The following CORO2A variants were observed in gnomAD, a reference collection of about 807,000 sequenced individuals.
The protein encoded by CORO2A is coronin 2A, also known as coronin-2A.
CORO2A carries 47 observed loss-of-function variants against 62.4 expected under a neutral mutation model. That is an observed-to-expected ratio of 0.75 (90% CI 0.60 to 0.96). The LOEUF (loss-of-function observed/expected upper bound fraction) is 0.96, where lower values mean the gene tolerates loss of function less well. CORO2A is among the 40% of genes least tolerant of loss of function. The probability of loss-of-function intolerance (pLI) is 0.00; values close to 1 mark genes in which losing one functional copy is unlikely to be tolerated. For missense variants in CORO2A, 610 were observed against 684.1 expected (o/e 0.89, Z 1.21); for synonymous variants, 273 against 268.9 (o/e 1.02, Z -0.15).
chr9:98,129,847 G>C lies in CORO2A; in HGVS notation c.914C>G (p.Pro305Arg), dbSNP rs201065478. 1.1e-4 allele frequency: 176 copies of C among 1,614,032 alleles called. No homozygotes were observed. The highest frequency in any genetic ancestry group is 1.6e-4 in the Middle Eastern group (1 of 6,084). The change falls in exon 8 of 12, where the codon CCT becomes CGT. Residue 305 changes from proline (P) to arginine (R), a missense_variant. Physicochemically the swap from Pro to Arg is moderately radical, Grantham distance 103. Coordinates refer to ENST00000375077, the MANE Select transcript of CORO2A (RefSeq NM_052820.4). ...GTACTCAGTCAGGTAGCTCAGGTGA[G>C]GCTTGTCGGCGCTCACCTCGTAGTA... ...IRYYEVSADK[P>R]HLSYLTEYRS...
intron 1 of CORO2A, among the ~76,000 whole-genome samples, chr9:98,166,170 C>G (rs1337984973): frequency 6.6e-6 from 1 of 152,158 alleles, no homozygotes; most frequent in Non-Finnish European, 1.5e-5. Context: ...GAAAAAAACA[C>G]AGGACATCCT....
At chr9:98,153,655 C>CACACACAT (rs1827759033) in intron 2 of CORO2A, among the ~76,000 whole-genome samples, 2 of 133,824 alleles carry the variant, frequency 1.5e-5, no homozygotes, top group South Asian at 4.6e-4. Context: ...TCCAAACACA[C>CACACACAT]ACACACACAC....
intron 1 of CORO2A, among the ~76,000 whole-genome samples, chr9:98,176,623 C>G (rs546394039): frequency 6.6e-6 from 1 of 152,252 alleles, no homozygotes; most frequent in African/African-American, 2.4e-5. Context: ...TCTTGTGTGA[C>G]TTGGTTTCCC....
At chr9:98,171,292 C>G (rs1828031084) in intron 1 of CORO2A, among the ~76,000 whole-genome samples, 1 of 152,202 alleles carries the variant, frequency 6.6e-6, no homozygotes, top group Non-Finnish European at 1.5e-5. Context: ...AACTCTGGTC[C>G]TGGGGTGGGC....
At position 98,170,698 on chromosome 9, in the gene CORO2A, C is replaced by T. The variant is rs1003119499; in HGVS notation, c.1-13038G>A. Among the ~76,000 whole-genome samples, 3 of 152,314 alleles carry T rather than the reference C, an allele frequency of 2.0e-5. No homozygotes were observed. The South Asian group carries it at 6.2e-4, about 32-fold the overall frequency. ...ACCTCAGGTATCTGCCCACCTTGGCCTCCCAAAGTGCTGAGATTACAGGTG... is the reference window on the plus strand; with the variant it reads ...ACCTCAGGTATCTGCCCACCTTGGCTTCCCAAAGTGCTGAGATTACAGGTG... On this transcript the variant is annotated intron_variant, in intron 1 of 11. Coordinates refer to ENST00000375077, the MANE Select transcript of CORO2A (RefSeq NM_052820.4).
chr9:98,125,024 C>T, intron 11 of CORO2A, 119 bp from the exon 12 acceptor site: 1 of 1,084,922 alleles, frequency 9.2e-7, no homozygotes, highest in East Asian at 2.6e-5. Flanking sequence ...ATGGCTGAGG[C>T]CTGATGGGGC....
rs533621338 is a variant in CORO2A, at chr9:98,130,200, C to A, written c.871-310G>T. 2.6e-5 allele frequency among the ~76,000 whole-genome samples: 4 copies of A among 152,308 alleles called. No homozygotes were observed. In the East Asian group the frequency reaches 7.7e-4, roughly 29 times the overall value. On this transcript the variant is annotated intron_variant, in intron 7 of 11. Transcript: ENST00000375077. Reference sequence around the variant, plus strand: ...GTCTCAAGCCATCTTCCCGCCTCAGCCTCCCGAGTAGGTGGGACCACAGGT... The same window carrying A: ...GTCTCAAGCCATCTTCCCGCCTCAGACTCCCGAGTAGGTGGGACCACAGGT...
chr9:98,140,112 C>T (rs990368239), intron 2 of CORO2A, among the ~76,000 whole-genome samples: 6 of 152,102 alleles, frequency 3.9e-5, no homozygotes, highest in Admixed American at 3.3e-4. Flanking sequence ...CCCAGGCCCT[C>T]GACCTCCCAC....
At chr9:98,177,548 C>T (rs1401694574) in intron 1 of CORO2A, among the ~76,000 whole-genome samples, 1 of 147,140 alleles carries the variant, frequency 6.8e-6, no homozygotes, top group African/African-American at 2.5e-5. Flanking sequence ...CTCACCACAA[C>T]CTCTGTGTCC....
At chr9:98,140,385 A>G (rs2118831557) in intron 2 of CORO2A, among the ~76,000 whole-genome samples, 1 of 152,030 alleles carries the variant, frequency 6.6e-6, no homozygotes, top group African/African-American at 2.4e-5. Context: ...GACTCAGGGA[A>G]CACCCAACCT....
chr9:98,137,011 C>T (rs116516216), intron 3 of CORO2A, among the ~76,000 whole-genome samples: 2,210 of 152,238 alleles, frequency 0.015, 38 homozygotes, highest in African/African-American at 0.05. Flanking sequence ...TGTCTTAAGC[C>T]ATACCACCAT....
intron 2 of CORO2A, among the ~76,000 whole-genome samples, chr9:98,140,349 C>T (rs771697593): frequency 3.3e-5 from 5 of 152,058 alleles, no homozygotes; most frequent in Admixed American, 1.3e-4. Context: ...GGGATTTTTT[C>T]TAGAGGGACT....
At chr9:98,128,354 C>T in intron 9 of CORO2A, 94 bp from the exon 10 acceptor site, 5 of 1,041,644 alleles carry the variant, frequency 4.8e-6, no homozygotes, top group Admixed American at 2.1e-5. Flanking sequence ...TCTCACCAAC[C>T]CCTGCTGAAT....
At chr9:98,170,771 TCCGTCA>T (rs1828022637) in intron 1 of CORO2A, among the ~76,000 whole-genome samples, 1 of 152,118 alleles carries the variant, frequency 6.6e-6, no homozygotes, top group South Asian at 2.1e-4. Context: ...ACCAATTCGC[TCCGTCA>T]CCTTGGGCAA....
chr9:98,134,748 T>C, intron 4 of CORO2A, 58 bp downstream of exon 4: 1 of 1,515,460 alleles, frequency 6.6e-7, no homozygotes. Flanking sequence ...ATTTCCATTG[T>C]ATTCCAGTTT....
intron 1 of CORO2A, among the ~76,000 whole-genome samples, chr9:98,185,756 T>G (rs562016017): frequency 1.8e-4 from 27 of 152,292 alleles, no homozygotes; most frequent in African/African-American, 6.5e-4. Context: ...TCTTACTTCA[T>G]CCTGTGGCTG....
At chr9:98,188,924 A>G (rs953579663) in intron 1 of CORO2A, among the ~76,000 whole-genome samples, 1 of 152,220 alleles carries the variant, frequency 6.6e-6, no homozygotes, top group Non-Finnish European at 1.5e-5. Context: ...GGCAGGCGGT[A>G]AACCCTCAAT....
intron 1 of CORO2A, among the ~76,000 whole-genome samples, chr9:98,189,280 G>GT (rs1484806049): frequency 6.6e-6 from 1 of 152,310 alleles, no homozygotes; most frequent in East Asian, 1.9e-4. Context: ...TTTAGACCAG[G>GT]TGTGATTGCA....
chr9:98,159,037 C>G (rs1413824190), intron 1 of CORO2A, among the ~76,000 whole-genome samples: 1 of 151,292 alleles, frequency 6.6e-6, no homozygotes, highest in Non-Finnish European at 1.5e-5. Context: ...CCTCACCACC[C>G]CACCCCCACC....
Sources: allele counts gnomAD v4.1 joint callset (sites outside exome capture counted in the v4.1 genomes callset), GRCh38; gene constraint gnomAD v4.1.1; transcripts MANE v1.5; gene names NCBI Gene and HGNC (gene_info 2026-07-23, HGNC 2026-07-21).